Variants in MED17 observed in about 807,000 individuals in gnomAD.
MED17 encodes mediator of RNA polymerase II transcription subunit 17.
A neutral mutation model predicts 80.8 loss-of-function variants in MED17; 49 were observed. The observed-to-expected ratio is 0.61, with a 90% CI of 0.48 to 0.77. The LOEUF is 0.77. MED17 is among the 30% of genes least tolerant of loss of function. The pLI is 0.00. For missense variants in MED17, 718 were observed against 787.0 expected (o/e 0.91, Z 1.05); for synonymous variants, 281 against 280.4 (o/e 1.00, Z -0.02).
Position 93,793,980 on chromosome 11 carries a change from A to G in MED17, c.804A>G (p.Ile268Met). 1 of 1,614,060 alleles carries G rather than the reference A, an allele frequency of 6.2e-7. No individual in the cohort carries two copies. Among genetic ancestry groups the G allele is most frequent in the Non-Finnish European group, 8.5e-7 (1 of 1,179,984 alleles). ...KVSIQKQAPDIGDLGTVNLFK... is the reference protein window; with the variant it reads ...KVSIQKQAPDMGDLGTVNLFK... ...CAATACAAAAACAGGCTCCAGATAT[A>G]GGTGACCTCGGCACAGTTAACCTCT... Residue 268 changes from isoleucine to methionine, a missense_variant, in exon 5 of 12, where the codon ATA (isoleucine) becomes ATG (methionine). Physicochemically the swap from Ile to Met is conservative, Grantham distance 10. Transcript: ENST00000251871.
chr11:93,804,020 T>C (rs779761018), intron 9 of MED17, among the ~76,000 whole-genome samples: 142 of 21,100 alleles, frequency 6.7e-3, no homozygotes, highest in Middle Eastern at 0.083. Context: ...TATATATATA[T>C]ATATATACAC....
chr11:93,794,806 A>T, intron 5 of MED17, 102 bp from the exon 6 acceptor site: 1 of 1,226,414 alleles, frequency 8.2e-7, no homozygotes, highest in Non-Finnish European at 1.2e-6. Flanking sequence ...ACCGTAATGT[A>T]GTGTTTTCCT....
In MED17 at chr11:93,784,287, T is replaced by C; in HGVS notation, c.-227T>C. On this transcript the variant is annotated 5_prime_UTR_variant, in exon 1 of 12. Transcript: ENST00000251871. ...TGGAGCTTCCGCGCCTGCCCAGTTT[T>C]GCTCCGAAAGACTTACCGAGGAGGG... 1 of 595,378 alleles carries C rather than the reference T, an allele frequency of 1.7e-6. No homozygotes were observed. Among genetic ancestry groups the C allele is most frequent in the Non-Finnish European group, 2.9e-6 (1 of 348,572 alleles). 36.9% of individuals were successfully genotyped at this position (595,378 alleles called of 1,614,324 possible). A position where few individuals can be genotyped will look rare whatever the true frequency, so the allele number is the denominator to read the frequency against.
chr11:93,788,273 T>C (rs1943791626), intron 2 of MED17, 106 bp downstream of exon 2: 2 of 948,642 alleles, frequency 2.1e-6, no homozygotes, highest in East Asian at 2.6e-5. Context: ...CAAAATTAAG[T>C]CCAGATGAAG....
At position 93,812,695 on chromosome 11, in the gene MED17, CA is replaced by C. The variant is rs778826366; in HGVS notation, c.*634del. On this transcript the variant is annotated 3_prime_UTR_variant, in exon 12 of 12. Transcript: ENST00000251871. Reference sequence around the variant, plus strand: ...AAGTGATCTACCTGCCTCTGCCTCCCAAAGTGCTAGGATTACAGGCGTGAGC... The same window carrying C: ...AAGTGATCTACCTGCCTCTGCCTCCCAAGTGCTAGGATTACAGGCGTGAGC... 18 of 154,374 alleles carry C rather than the reference CA, an allele frequency of 1.2e-4. No individual in the cohort carries two copies. The highest frequency in any genetic ancestry group is 1.1e-3 in the Admixed American group (17 of 15,534). The allele number at this position is 154,374 out of a possible 1,614,324, so 9.6% of individuals were successfully genotyped here. A position where few individuals can be genotyped will look rare whatever the true frequency, so the allele number is the denominator to read the frequency against.
At chr11:93,789,607 C>T (rs2135710519) in intron 2 of MED17, 2 of 152,198 alleles carry the variant, frequency 1.3e-5, no homozygotes, top group South Asian at 4.1e-4. Flanking sequence ...TTTATATATG[C>T]ATATGTGATA....
rs565103117 is a variant in MED17 at position 93,796,240 on chromosome 11, C to T, written c.1013-170C>T. The T allele has an allele frequency of 5.8e-5, 39 of 674,686 alleles. 1 individual carries two copies. Among genetic ancestry groups the T allele is most frequent in the Admixed American group, 5.5e-4 (22 of 40,120 alleles). The allele number at this position is 674,686 out of a possible 1,614,324, so 41.8% of individuals were successfully genotyped here. A position where few individuals can be genotyped will look rare whatever the true frequency, so the allele number is the denominator to read the frequency against. On this transcript the variant is annotated intron_variant, in intron 6 of 11. Coordinates refer to ENST00000251871, the MANE Select transcript of MED17 (RefSeq NM_004268.5). ...TGCTGGGATTGCAGGCGTGAGCCAC[C>T]GCACCCGGCCAAATAGTAATCTTGA...
intron 10 of MED17, chr11:93,809,436 C>A (rs914885225): frequency 1.5e-5 from 7 of 467,924 alleles, no homozygotes; most frequent in Non-Finnish European, 2.8e-5. Context: ...ATTCAGTGAT[C>A]TAGATGAGAG....
intron 11 of MED17, 84 bp downstream of exon 11, chr11:93,809,960 G>A: frequency 7.4e-7 from 1 of 1,356,430 alleles, no homozygotes. Flanking sequence ...ATGGGTAAGA[G>A]TAATTTATCT....
At chr11:93,784,827 C>T in intron 1 of MED17, 64 bp downstream of exon 1, 1 of 1,527,128 alleles carries the variant, frequency 6.5e-7, no homozygotes, top group Non-Finnish European at 8.7e-7. Flanking sequence ...CGGGCCTCCG[C>T]CTCTCCCGCG....
At chr11:93,795,309 T>C in intron 6 of MED17, 1 of 534,838 alleles carries the variant, frequency 1.9e-6, no homozygotes, top group Non-Finnish European at 3.3e-6. Flanking sequence ...ATTATTGTGG[T>C]CAAGAGAAAA....
chr11:93,794,015 C>G lies in MED17; in HGVS notation c.839C>G (p.Pro280Arg), dbSNP rs770136880. 6.2e-7 allele frequency: 1 copy of G among 1,613,690 alleles called. No homozygotes were observed. Among genetic ancestry groups the G allele is most frequent in the Non-Finnish European group, 8.5e-7 (1 of 1,179,854 alleles). Residue 280 changes from proline to arginine, a missense_variant, in exon 5 of 12, where the codon CCT (proline) becomes CGT (arginine). Pro to Arg is a moderately radical substitution (Grantham distance 103). Transcript: ENST00000251871. ...DLGTVNLFKR[P>R]LPKSKPGSPH... ...GGCACAGTTAACCTCTTCAAACGAC[C>G]TTTGCCCAAATCCAAACCAGGTATG...
rs747489720 is a variant in MED17, at chr11:93,801,968, T to C, written c.1462T>C (p.Cys488Arg). ...CACATCACAAGGCTATGAACAAATA[T>C]GCAAGTAAGTGGCCAAAATAAAAGT... Reference protein sequence around the residue: ...LITSQGYEQICKSIQLQLNIG... With the variant: ...LITSQGYEQIRKSIQLQLNIG... The change falls in exon 9 of 12, where the codon TGC (cysteine) becomes CGC (arginine). Residue 488 changes from cysteine to arginine, a missense_variant. Transcript: ENST00000251871. 2 of 1,611,502 alleles carry C rather than the reference T, an allele frequency of 1.2e-6. No individual in the cohort carries two copies. The highest frequency in any genetic ancestry group is 1.3e-5 in the African/African-American group (1 of 75,004).
chr11:93,799,532 C>T (rs1943939891), intron 8 of MED17, among the ~76,000 whole-genome samples: 1 of 152,170 alleles, frequency 6.6e-6, no homozygotes, highest in Admixed American at 6.5e-5. Context: ...TGCCTGTAAA[C>T]TCAGCACTCA....
At position 93,797,586 on chromosome 11, in the gene MED17, C is replaced by A. The variant is rs1192022226; in HGVS notation, c.1195C>A (p.Pro399Thr). ...SIMMPHPASA[P>T]FGHKRMRLSG... ...CATGATGCCTCATCCAGCAAGTGCA[C>A]CTTTTGGCCACAAGAGAATGAGACT... The change falls in exon 8 of 12, where the codon CCT becomes ACT. Residue 399 changes from proline (P) to threonine (T), a missense_variant. Transcript: ENST00000251871. 6.2e-7 allele frequency: 1 copy of A among 1,613,996 alleles called. No individual in the cohort carries two copies. The highest frequency in any genetic ancestry group is 8.5e-7 in the Non-Finnish European group (1 of 1,180,006).
Position 93,784,388 on chromosome 11 carries a change from G to T in MED17, c.-126G>T. 2 of 1,271,980 alleles carry T rather than the reference G, an allele frequency of 1.6e-6. No individual in the cohort carries two copies. The highest frequency in any genetic ancestry group is 2.1e-6 in the Non-Finnish European group (2 of 945,046). The allele number at this position is 1,271,980 out of a possible 1,614,324, so 78.8% of individuals were successfully genotyped here. On this transcript the variant is annotated 5_prime_UTR_variant, in exon 1 of 12. Coordinates refer to ENST00000251871, the MANE Select transcript of MED17 (RefSeq NM_004268.5). ...GTCTGAGCGTTGCGTTCGGTTTCCC[G>T]AGGGTCTTCTGAGGCACCGCGGCTG...
chr11:93,807,736 G>GA, intron 10 of MED17, 101 bp downstream of exon 10: 3 of 821,792 alleles, frequency 3.7e-6, no homozygotes, highest in Non-Finnish European at 6.4e-6. Context: ...TGTGTAAGAA[G>GA]AAAAAAAATT....
chr11:93,790,017 C>CT (rs1164608910), intron 2 of MED17, among the ~76,000 whole-genome samples: 1 of 152,104 alleles, frequency 6.6e-6, no homozygotes, highest in Non-Finnish European at 1.5e-5. Flanking sequence ...ACTTTAATAG[C>CT]TTATGGTAAG....
intron 3 of MED17, among the ~76,000 whole-genome samples, chr11:93,792,024 ATAG>A (rs1943841983): frequency 6.6e-6 from 1 of 152,152 alleles, no homozygotes; most frequent in East Asian, 1.9e-4. Flanking sequence ...GCTATAATAA[ATAG>A]TAGGTTTTAC....
Sources: allele counts gnomAD v4.1 joint callset (sites outside exome capture counted in the v4.1 genomes callset), GRCh38; gene constraint gnomAD v4.1.1; transcripts MANE v1.5; gene names NCBI Gene and HGNC (gene_info 2026-07-23, HGNC 2026-07-21).